Variants in DENND4A observed in about 807,000 individuals in gnomAD.
DENND4A encodes DENN domain containing 4A.
DENND4A carries 70 observed loss-of-function variants against 199.3 expected under a neutral mutation model. The ratio of observed to expected loss-of-function variants is 0.35; its 90% confidence interval spans 0.29 to 0.43. The LOEUF is 0.43. DENND4A is among the 20% of genes least tolerant of loss of function. The pLI is 1.00. For synonymous variants in DENND4A, 686 were observed against 766.9 expected, an observed-to-expected ratio of 0.89 and a Z score of 1.74; for missense variants, 1,723 against 2,255.8, an observed-to-expected ratio of 0.76 and a Z score of 4.78.
At position 65,722,956 on chromosome 15, in the gene DENND4A, T is replaced by G. The variant is rs1483819368; in HGVS notation, c.1488-8A>C. ...TTTTTCTTGTCACCAATTCTAAGAT[T>G]AAATAACAACAGGAATATATTTGTT... On this transcript the variant is annotated splice_polypyrimidine_tract_variant and splice_region_variant and intron_variant, in intron 11 of 32. Coordinates refer to ENST00000443035, the MANE Select transcript of DENND4A (RefSeq NM_001320835.1). 1 of 1,593,474 alleles carries G rather than the reference T, an allele frequency of 6.3e-7. No individual in the cohort carries two copies. The highest frequency in any genetic ancestry group is 1.7e-5 in the Admixed American group (1 of 57,542).
intron 9 of DENND4A, chr15:65,731,263 T>C: frequency 3.2e-6 from 1 of 311,178 alleles, no homozygotes; most frequent in South Asian, 3.1e-5. Flanking sequence ...TAGAACTATT[T>C]TTTTTCTTTT....
intron 12 of DENND4A, 73 bp from the exon 13 acceptor site, chr15:65,718,069 T>C (rs1596512426): frequency 1.7e-6 from 2 of 1,203,690 alleles, no homozygotes; most frequent in Non-Finnish European, 2.3e-6. Flanking sequence ...TATAATTTTG[T>C]TGTATTTTCA....
At chr15:65,773,028 A>AAAAAT (rs2077182793) in intron 1 of DENND4A, among the ~76,000 whole-genome samples, 1 of 149,002 alleles carries the variant, frequency 6.7e-6, no homozygotes, top group Admixed American at 6.7e-5. Context: ...AAAAAAAAAA[A>AAAAAT]TCATTCTTAG....
chr15:65,741,020 C>T (rs548729592), intron 5 of DENND4A, among the ~76,000 whole-genome samples: 5 of 151,808 alleles, frequency 3.3e-5, no homozygotes, highest in South Asian at 2.1e-4. Flanking sequence ...TAAACACACA[C>T]GTATATAAAT....
intron 22 of DENND4A, among the ~76,000 whole-genome samples, chr15:65,694,578 A>G (rs563109949): frequency 6.6e-6 from 1 of 152,326 alleles, no homozygotes; most frequent in South Asian, 2.1e-4. Context: ...CAAACACACA[A>G]GGGTGTTCAA....
chr15:65,734,321 C>G (rs936841698), intron 7 of DENND4A, among the ~76,000 whole-genome samples: 1 of 152,214 alleles, frequency 6.6e-6, no homozygotes, highest in Non-Finnish European at 1.5e-5. Context: ...AAGCACAGCA[C>G]TTGATTATTT....
At chr15:65,678,791 G>C (rs2076473312) in intron 23 of DENND4A, among the ~76,000 whole-genome samples, 1 of 152,262 alleles carries the variant, frequency 6.6e-6, no homozygotes, top group South Asian at 2.1e-4. Context: ...TCAGGCTCAG[G>C]TGATCCTCCC....
chr15:65,769,661 T>G (rs926025431), intron 1 of DENND4A, among the ~76,000 whole-genome samples: 11 of 149,994 alleles, frequency 7.3e-5, no homozygotes, highest in African/African-American at 1.2e-4. Flanking sequence ...TGCTTATCTT[T>G]TGTTTATTTT....
chr15:65,732,632 TG>T (rs1347022463), intron 8 of DENND4A, 119 bp downstream of exon 8: 1 of 605,344 alleles, frequency 1.7e-6, no homozygotes, highest in Non-Finnish European at 2.9e-6. Flanking sequence ...TAATAGTATC[TG>T]GTTCTCTCTA....
intron 19 of DENND4A, 114 bp from the exon 20 acceptor site, chr15:65,700,789 C>G: frequency 8.7e-7 from 1 of 1,150,888 alleles, no homozygotes; most frequent in Non-Finnish European, 1.2e-6. Context: ...GTGCCACATA[C>G]TTAGCAAAAT....
At chr15:65,665,276 T>G in intron 30 of DENND4A, 69 bp downstream of exon 30, 1 of 1,241,928 alleles carries the variant, frequency 8.1e-7, no homozygotes, top group Non-Finnish European at 1.2e-6. Flanking sequence ...ATACATTGGT[T>G]TATGCTATTT....
chr15:65,685,604 A>T (rs909123156), intron 23 of DENND4A, among the ~76,000 whole-genome samples: 9 of 152,234 alleles, frequency 5.9e-5, no homozygotes, highest in African/African-American at 1.4e-4. Flanking sequence ...TAGGTTACTT[A>T]TAATACCTAA....
intron 9 of DENND4A, among the ~76,000 whole-genome samples, chr15:65,730,693 T>C (rs893710323): frequency 6.6e-6 from 1 of 152,058 alleles, no homozygotes; most frequent in African/African-American, 2.4e-5. Flanking sequence ...AGATTAGTGG[T>C]TGACTAGGGC....
chr15:65,791,683 C>G (rs1459098851), intron 1 of DENND4A, among the ~76,000 whole-genome samples: 1 of 152,130 alleles, frequency 6.6e-6, no homozygotes, highest in Non-Finnish European at 1.5e-5. Flanking sequence ...AATCCCAGAT[C>G]CAGGACCTCC....
chr15:65,791,189 T>A (rs1344767096), intron 1 of DENND4A, among the ~76,000 whole-genome samples: 1 of 152,232 alleles, frequency 6.6e-6, no homozygotes, highest in East Asian at 1.9e-4. Context: ...CCTGTCCTGC[T>A]GTTGCAAACA....
chr15:65,671,137 A>C (rs2076203380), intron 25 of DENND4A, among the ~76,000 whole-genome samples: 1 of 152,220 alleles, frequency 6.6e-6, no homozygotes. Flanking sequence ...CTTGCATAGC[A>C]AAACTGATTG....
chr15:65,741,803 A>G lies in DENND4A; in HGVS notation c.562-19T>C. 6.3e-7 allele frequency: 1 copy of G among 1,591,282 alleles called. No homozygotes were observed. Among genetic ancestry groups the G allele is most frequent in the Non-Finnish European group, 8.6e-7 (1 of 1,162,746 alleles). ...ATCCCCACTGGATTTAAAAAAATAG[A>G]AATATCATTTAATTTTTAAAAGGTA... On this transcript the variant is annotated intron_variant, in intron 4 of 32. Coordinates refer to ENST00000443035, the MANE Select transcript of DENND4A (RefSeq NM_001320835.1).
At chr15:65,691,591 G>T in intron 22 of DENND4A, 80 bp from the exon 23 acceptor site, 1 of 1,374,408 alleles carries the variant, frequency 7.3e-7, no homozygotes. Flanking sequence ...AAATTCTAGT[G>T]ATGAAAATGA....
At position 65,715,642 on chromosome 15, in the gene DENND4A, T is replaced by C. The variant is rs1429704393; in HGVS notation, c.1808-19A>G. ...AAGAAAGCTGTTCAACAAAAATATA[T>C]AATGTCAGAATACATAATATCATTC... is the stretch of plus-strand genomic sequence containing the variant. On this transcript the variant is annotated intron_variant, in intron 13 of 32. Coordinates refer to ENST00000443035, the MANE Select transcript of DENND4A (RefSeq NM_001320835.1). 2 of 1,526,786 alleles carry C rather than the reference T, an allele frequency of 1.3e-6. No homozygotes were observed. The highest frequency in any genetic ancestry group is 8.8e-7 in the Non-Finnish European group (1 of 1,140,294). The allele number at this position is 1,526,786 out of a possible 1,614,324, so 94.6% of individuals were successfully genotyped here. A position where few individuals can be genotyped will look rare whatever the true frequency, so the allele number is the denominator to read the frequency against.
Sources: gnomAD v4.1 joint callset for allele counts (sites outside exome capture counted in the v4.1 genomes callset) on GRCh38, gnomAD v4.1.1 for gene constraint, MANE v1.5 for transcripts, NCBI Gene and HGNC (gene_info 2026-07-23, HGNC 2026-07-21) for gene names.